The following TRIM33 variants were observed in gnomAD, a reference collection of about 807,000 sequenced individuals.
The protein encoded by TRIM33 is E3 ubiquitin-protein ligase TRIM33.
TRIM33 carries 20 observed loss-of-function variants against 125.4 expected under a neutral mutation model. That is an observed-to-expected ratio of 0.16 (90% CI 0.11 to 0.23). The LOEUF (loss-of-function observed/expected upper bound fraction) is 0.23. TRIM33 is among the 10% of genes least tolerant of loss of function. The pLI, the probability that TRIM33 is intolerant of heterozygous loss-of-function variation, is 1.00. For synonymous variants in TRIM33, 564 were observed against 513.9 expected (o/e 1.10, Z -1.32); for missense variants, 920 against 1,411.4 (o/e 0.65, Z 5.58).
chr1:114,451,281 C>T (rs1649295565), intron 4 of TRIM33, among the ~76,000 whole-genome samples: 1 of 151,386 alleles, frequency 6.6e-6, no homozygotes, highest in South Asian at 2.1e-4. Context: ...TATTGATTGG[C>T]TTCCTTCATA....
At chr1:114,414,071 G>T in intron 11 of TRIM33, among the ~76,000 whole-genome samples, 1 of 109,596 alleles carries the variant, frequency 9.1e-6, no homozygotes, top group African/African-American at 3.7e-5. Context: ...ACACACACAC[G>T]TTTTTAAATT....
At chr1:114,398,128 C>G (rs961877403) in intron 18 of TRIM33, 138 bp from the exon 19 acceptor site, 1 of 815,486 alleles carries the variant, frequency 1.2e-6, no homozygotes, top group African/African-American at 1.7e-5. Context: ...AAGTGCTTTT[C>G]TAAAATTCTA....
At chr1:114,465,817 G>A (rs969815863) in intron 1 of TRIM33, among the ~76,000 whole-genome samples, 19 of 151,922 alleles carry the variant, frequency 1.3e-4, no homozygotes, top group African/African-American at 4.4e-4. Flanking sequence ...CGAGGCGGGC[G>A]GATCACGAGG....
rs1334280398 is a variant in TRIM33, at chr1:114,510,890, C to A, written c.187G>T (p.Asp63Tyr). 1 of 1,429,948 alleles carries A rather than the reference C, an allele frequency of 7.0e-7. No homozygotes were observed. 88.6% of individuals were successfully genotyped at this position (1,429,948 alleles called of 1,614,324 possible). Reference sequence around the variant, plus strand: ...GAGGCCGCGGCCACCCCCCCGTCGTCGGGCCCGGCCGCGCCGCCCTCAGCG... The same window carrying A: ...GAGGCCGCGGCCACCCCCCCGTCGTAGGGCCCGGCCGCGCCGCCCTCAGCG... ...AGAEGGAAGP[D>Y]DGGVAAASSG... The change falls in exon 1 of 20, where the codon GAC becomes TAC. Residue 63 changes from aspartate (D) to tyrosine (Y), a missense_variant. By Grantham distance (160) the Asp-to-Tyr change is radical (BLOSUM62 -3). This residue lies in a region of TRIM33 where 233 missense variants were observed against 189.6 expected (regional missense o/e 1.23). Transcript: ENST00000358465.
intron 4 of TRIM33, among the ~76,000 whole-genome samples, chr1:114,458,336 A>C (rs1028941957): frequency 1.3e-5 from 2 of 152,156 alleles, no homozygotes; most frequent in African/African-American, 4.8e-5. Context: ...AACTTCCCCT[A>C]TAGATAAGAT....
intron 1 of TRIM33, among the ~76,000 whole-genome samples, chr1:114,481,680 T>C (rs916740552): frequency 6.7e-6 from 1 of 150,346 alleles, no homozygotes; most frequent in Non-Finnish European, 1.5e-5. Context: ...TGTGTGTATA[T>C]ATATATATAT....
At chr1:114,498,280 A>G (rs529995393) in intron 1 of TRIM33, among the ~76,000 whole-genome samples, 1 of 152,210 alleles carries the variant, frequency 6.6e-6, no homozygotes, top group Non-Finnish European at 1.5e-5. Flanking sequence ...ATCCTCAGAG[A>G]AAGAAGATAT....
intron 11 of TRIM33, among the ~76,000 whole-genome samples, chr1:114,419,050 C>T (rs1402040923): frequency 6.6e-6 from 1 of 151,534 alleles, no homozygotes; most frequent in Non-Finnish European, 1.5e-5. Flanking sequence ...TCTACTAAAA[C>T]ACAAAAATTA....
intron 1 of TRIM33, among the ~76,000 whole-genome samples, chr1:114,467,889 T>C (rs1355284601): frequency 6.6e-6 from 1 of 152,172 alleles, no homozygotes; most frequent in African/African-American, 2.4e-5. Context: ...TCCTTTCCCT[T>C]AGAAAATAAT....
intron 11 of TRIM33, chr1:114,420,600 T>C (rs925458723): frequency 4.9e-6 from 2 of 410,654 alleles, no homozygotes; most frequent in Non-Finnish European, 9.5e-6. Context: ...GGAATGCTGG[T>C]TTTAGCTAAA....
rs1263308236 is a variant in TRIM33, at chr1:114,394,189, G to A, written c.*3459C>T. The A allele has an allele frequency of 4.4e-6, 1 of 229,288 alleles. No individual in the cohort carries two copies. Among genetic ancestry groups the A allele is most frequent in the Admixed American group, 5.7e-5 (1 of 17,652 alleles). The allele number at this position is 229,288 out of a possible 1,614,324, so 14.2% of individuals were successfully genotyped here. A position where few individuals can be genotyped will look rare whatever the true frequency, so the allele number is the denominator to read the frequency against. On this transcript the variant is annotated 3_prime_UTR_variant, in exon 20 of 20. Coordinates refer to ENST00000358465, the MANE Select transcript of TRIM33 (RefSeq NM_015906.4). ...TGGATTTTTTATAAAACTACTCACTGATCCGATGCTGAGTATGCAAATAAG... is the reference window on the plus strand; with the variant it reads ...TGGATTTTTTATAAAACTACTCACTAATCCGATGCTGAGTATGCAAATAAG...
chr1:114,414,837 G>A (rs1180222089), intron 11 of TRIM33, among the ~76,000 whole-genome samples: 2 of 152,070 alleles, frequency 1.3e-5, no homozygotes, highest in Non-Finnish European at 2.9e-5. Context: ...AAGCGTAATA[G>A]TGGTCCTTCC....
At position 114,424,567 on chromosome 1, in the gene TRIM33, T is replaced by C. The variant is rs759566816; in HGVS notation, c.1860+24A>G. 4 of 1,505,772 alleles carry C rather than the reference T, an allele frequency of 2.7e-6. No individual in the cohort carries two copies. The South Asian group carries it at 5.3e-5, about 20-fold the overall frequency. 93.3% of individuals were successfully genotyped at this position (1,505,772 alleles called of 1,614,324 possible). On this transcript the variant is annotated intron_variant, in intron 10 of 19. Coordinates refer to ENST00000358465, the MANE Select transcript of TRIM33 (RefSeq NM_015906.4). ...TTTTAATTTTAAAATTGTAGGATTCTTACAAATGTAACTCTAGGCATACTT... is the reference window on the plus strand; with the variant it reads ...TTTTAATTTTAAAATTGTAGGATTCCTACAAATGTAACTCTAGGCATACTT...
chr1:114,448,972 C>A (rs937916748), intron 4 of TRIM33, among the ~76,000 whole-genome samples: 10 of 151,836 alleles, frequency 6.6e-5, no homozygotes, highest in Non-Finnish European at 1.5e-4. Flanking sequence ...AGGATCAAAT[C>A]CACATATATT....
At position 114,510,724 on chromosome 1, in the gene TRIM33, G is replaced by A; in HGVS notation, c.353C>T (p.Pro118Leu). 2 of 1,534,708 alleles carry A rather than the reference G, an allele frequency of 1.3e-6. No homozygotes were observed. Among genetic ancestry groups the A allele is most frequent in the South Asian group, 1.2e-5 (1 of 83,650 alleles). Residue 118 changes from proline to leucine, a missense_variant, in exon 1 of 20, where the codon CCA (proline) becomes CTA (leucine). Transcript: ENST00000358465. ...GPSAGPPPGPPASLLDTCAVC... is the reference protein window; with the variant it reads ...GPSAGPPPGPLASLLDTCAVC... ...GGCGCAGGTGTCCAGGAGCGAGGCT[G>A]GCGGTCCAGGAGGCGGCCCTGCCGA...
chr1:114,504,454 C>G (rs1031348456), intron 1 of TRIM33, among the ~76,000 whole-genome samples: 3 of 152,238 alleles, frequency 2.0e-5, no homozygotes, highest in Non-Finnish European at 4.4e-5. Flanking sequence ...CATCTTAATT[C>G]ACGCAGAGGT....
chr1:114,413,695 A>G (rs1375345876), intron 11 of TRIM33, among the ~76,000 whole-genome samples: 1 of 150,442 alleles, frequency 6.6e-6, no homozygotes, highest in East Asian at 1.9e-4. Context: ...AGGTGTGTAC[A>G]TGTGGTATAA....
At chr1:114,450,002 CA>C (rs1649217543) in intron 4 of TRIM33, among the ~76,000 whole-genome samples, 2 of 152,032 alleles carry the variant, frequency 1.3e-5, no homozygotes, top group Admixed American at 1.3e-4. Context: ...AATGGCTTTC[CA>C]AAAAGAGGTA....
At chr1:114,459,241 C>G (rs1227335413) in intron 4 of TRIM33, among the ~76,000 whole-genome samples, 1 of 152,100 alleles carries the variant, frequency 6.6e-6, no homozygotes, top group Non-Finnish European at 1.5e-5. Flanking sequence ...ACTTCCTAAC[C>G]TAGGAAGGGA....
Sources: gnomAD v4.1 joint callset for allele counts (sites outside exome capture counted in the v4.1 genomes callset) on GRCh38, gnomAD v4.1.1 for gene constraint, gnomAD v4.1.1 regional missense constraint, MANE v1.5 for transcripts, NCBI Gene and HGNC (gene_info 2026-07-23, HGNC 2026-07-21) for gene names.